PATJ: variants seen among roughly 807,000 people sequenced by gnomAD.
PATJ encodes the protein PATJ crumbs cell polarity complex component.
In PATJ, 190 loss-of-function variants were observed where a neutral mutation model predicts 224.9. The observed-to-expected ratio is 0.84, with a 90% CI of 0.75 to 0.95. The LOEUF is 0.95. PATJ is among the 40% of genes least tolerant of loss of function. The pLI, the probability that PATJ is intolerant of heterozygous loss-of-function variation, is 0.00. For missense variants in PATJ, 2,121 were observed against 2,270.3 expected (o/e 0.93, Z 1.34); for synonymous variants, 769 against 820.3 (o/e 0.94, Z 1.07).
chr1:62,009,853 G>A (rs1646324185), intron 28 of PATJ, among the ~76,000 whole-genome samples: 1 of 152,010 alleles, frequency 6.6e-6, no homozygotes, highest in South Asian at 2.1e-4. Flanking sequence ...GGGAGGCCGA[G>A]GTGGGCGGAT....
chr1:62,061,095 A>G (rs937542484), intron 31 of PATJ, among the ~76,000 whole-genome samples: 1 of 152,064 alleles, frequency 6.6e-6, no homozygotes, highest in African/African-American at 2.4e-5. Context: ...CTGTGAGCGC[A>G]GTCCCCAGTA....
At chr1:62,025,097 A>G (rs1647600478) in intron 29 of PATJ, among the ~76,000 whole-genome samples, 1 of 152,190 alleles carries the variant, frequency 6.6e-6, no homozygotes, top group African/African-American at 2.4e-5. Flanking sequence ...CTTACTGTCA[A>G]AGAATCTTAA....
intron 27 of PATJ, among the ~76,000 whole-genome samples, chr1:61,965,330 T>G (rs1681975248): frequency 6.6e-6 from 1 of 152,090 alleles, no homozygotes; most frequent in Admixed American, 6.6e-5. Context: ...AAAAAGCCTG[T>G]ACTGTGCCTA....
At chr1:62,149,677 T>C (rs1668428326) in intron 42 of PATJ, among the ~76,000 whole-genome samples, 1 of 152,044 alleles carries the variant, frequency 6.6e-6, no homozygotes, top group Non-Finnish European at 1.5e-5. Flanking sequence ...GATGTGGCTA[T>C]GGAAATACAG....
At chr1:61,985,814 T>A (rs962685173) in intron 27 of PATJ, among the ~76,000 whole-genome samples, 2 of 152,044 alleles carry the variant, frequency 1.3e-5, no homozygotes, top group Non-Finnish European at 2.9e-5. Flanking sequence ...ACTTCTTTCT[T>A]CCTTAAGTCT....
intron 7 of PATJ, among the ~76,000 whole-genome samples, chr1:61,785,300 T>C (rs556668861): frequency 6.6e-6 from 1 of 152,348 alleles, no homozygotes; most frequent in East Asian, 1.9e-4. Flanking sequence ...AGGCAGTTTC[T>C]TGGAGAATAG....
chr1:62,003,749 AG>A (rs1478686367), intron 28 of PATJ, among the ~76,000 whole-genome samples: 2 of 152,188 alleles, frequency 1.3e-5, no homozygotes, highest in Non-Finnish European at 2.9e-5. Context: ...TCCCATCCCT[AG>A]CCTGGTACTC....
intron 37 of PATJ, among the ~76,000 whole-genome samples, chr1:62,120,044 T>C (rs1026126578): frequency 1.3e-5 from 2 of 152,200 alleles, no homozygotes; most frequent in Non-Finnish European, 2.9e-5. Context: ...TTCTGATTAG[T>C]TATCTATTAT....
At position 61,777,695 on chromosome 1, in the gene PATJ, CTTTCTTTCTTT is replaced by C. The variant is rs1169111359; in HGVS notation, c.849+2365_849+2375del. ...ATTCTATTTTCTTCCTTTTTTCTTT[CTTTCTTTCTTT>C]TTTTTTTTTTTTTTTTTTTTTAGCA... On this transcript the variant is annotated intron_variant, in intron 7 of 43. Transcript: ENST00000642238. Among the ~76,000 whole-genome samples, 36 of 41,380 alleles carry C rather than the reference CTTTCTTTCTTT, an allele frequency of 8.7e-4. No individual in the cohort carries two copies. The East Asian group carries it at 0.027, about 31-fold the overall frequency. 27.1% of individuals were successfully genotyped at this position (41,380 alleles called of 152,430 possible).
chr1:61,745,634 T>C (rs1375435441), intron 1 of PATJ, among the ~76,000 whole-genome samples: 1 of 151,950 alleles, frequency 6.6e-6, no homozygotes, highest in Non-Finnish European at 1.5e-5. Flanking sequence ...GACGGAGTCT[T>C]GCTCTGTTGC....
intron 12 of PATJ, among the ~76,000 whole-genome samples, chr1:61,802,429 A>T (rs1171801129): frequency 6.6e-6 from 1 of 151,754 alleles, no homozygotes; most frequent in African/African-American, 2.4e-5. Flanking sequence ...TTCTTTACTT[A>T]TATTAATTAT....
At position 61,796,732 on chromosome 1, in the gene PATJ, CTTTCTTTCT is replaced by C. The variant is rs1179471773; in HGVS notation, c.1261-551_1261-543del. 3.6e-3 allele frequency among the ~76,000 whole-genome samples: 252 copies of C among 69,162 alleles called. 12 individuals carry two copies. The highest frequency in any genetic ancestry group is 0.011 in the African/African-American group (227 of 19,908). The allele number at this position is 69,162 out of a possible 152,430, so 45.4% of individuals were successfully genotyped here. ...TTTCTTTCTTTCTTTCTTTTTCTTTCTTTCTTTCTTTTTTTTCTTCCTTTCTTCCTTTCT... is the reference window on the plus strand; with the variant it reads ...TTTCTTTCTTTCTTTCTTTTTCTTTCTTTTTTTCTTCCTTTCTTCCTTTCT... On this transcript the variant is annotated intron_variant, in intron 10 of 43. Coordinates refer to ENST00000642238, the MANE Select transcript of PATJ (RefSeq NM_001350145.3).
At chr1:61,832,210 ACTAC>A (rs919580255) in intron 16 of PATJ, among the ~76,000 whole-genome samples, 1 of 152,098 alleles carries the variant, frequency 6.6e-6, no homozygotes, top group African/African-American at 2.4e-5. Context: ...GGATGAGAAA[ACTAC>A]CTGTCAGGCA....
chr1:62,045,752 T>C (rs1380779123), intron 30 of PATJ, among the ~76,000 whole-genome samples: 1 of 152,176 alleles, frequency 6.6e-6, no homozygotes, highest in Non-Finnish European at 1.5e-5. Context: ...CAGATGGTCC[T>C]CAAACCACTC....
chr1:61,974,898 A>G (rs1462528287), intron 27 of PATJ, among the ~76,000 whole-genome samples: 1 of 151,950 alleles, frequency 6.6e-6, no homozygotes, highest in African/African-American at 2.4e-5. Flanking sequence ...GTTTCCTTCC[A>G]TCTCCAAACT....
intron 13 of PATJ, among the ~76,000 whole-genome samples, chr1:61,807,138 A>G (rs960688001): frequency 6.6e-6 from 1 of 152,154 alleles, no homozygotes; most frequent in African/African-American, 2.4e-5. Context: ...CAAAAGAGGG[A>G]GACTCCACCT....
chr1:61,826,693 A>G (rs961364285), intron 15 of PATJ, among the ~76,000 whole-genome samples: 2 of 152,266 alleles, frequency 1.3e-5, no homozygotes, highest in African/African-American at 4.8e-5. Context: ...TTAATCATTA[A>G]TAAAGAATAC....
intron 27 of PATJ, among the ~76,000 whole-genome samples, chr1:61,979,264 A>C (rs1644315209): frequency 6.6e-6 from 1 of 152,088 alleles, no homozygotes; most frequent in Non-Finnish European, 1.5e-5. Flanking sequence ...TGAAAAAAGA[A>C]CTACAGCCAC....
At chr1:61,788,175 C>T (rs1300914062) in intron 8 of PATJ, among the ~76,000 whole-genome samples, 1 of 151,954 alleles carries the variant, frequency 6.6e-6, no homozygotes, top group Non-Finnish European at 1.5e-5. Context: ...CATTCAGCCT[C>T]CCTGAGCGTC....
Sources: allele counts gnomAD v4.1 joint callset (sites outside exome capture counted in the v4.1 genomes callset), GRCh38; gene constraint gnomAD v4.1.1; transcripts MANE v1.5; gene names NCBI Gene and HGNC (gene_info 2026-07-23, HGNC 2026-07-21).